Variants in ARFIP1 observed in about 807,000 individuals in gnomAD.
ARFIP1 encodes the protein ARF interacting protein 1.
ARFIP1 carries 24 observed loss-of-function variants against 42.5 expected under a neutral mutation model. The ratio of observed to expected loss-of-function variants is 0.57; its 90% CI spans 0.41 to 0.80. ARFIP1 has a LOEUF of 0.80. Ranked by LOEUF, ARFIP1 falls within the 30% of genes least tolerant of loss-of-function variation. The pLI, the probability that ARFIP1 is intolerant of heterozygous loss-of-function variation, is 0.00. For missense variants in ARFIP1, 354 were observed against 434.0 expected (o/e 0.82, Z 1.64); for synonymous variants, 141 against 153.7 (o/e 0.92, Z 0.61).
At chr4:152,860,370 A>T (rs1488632561) in intron 2 of ARFIP1, among the ~76,000 whole-genome samples, 2 of 152,180 alleles carry the variant, frequency 1.3e-5, no homozygotes, top group Non-Finnish European at 2.9e-5. Flanking sequence ...ATTGCTAGGT[A>T]TTATTTTTTT....
chr4:152,804,265 A>ATATAATATATAATATAACATGTATTACG (rs1728752703), intron 1 of ARFIP1, among the ~76,000 whole-genome samples: 1 of 90,196 alleles, frequency 1.1e-5, no homozygotes, highest in African/African-American at 5.2e-5. Flanking sequence ...CATGTATTAT[A>ATATAATATATAATATAACATGTATTACG]TATTATATAT....
At chr4:152,870,032 G>A (rs1316161365) in intron 3 of ARFIP1, among the ~76,000 whole-genome samples, 1 of 152,120 alleles carries the variant, frequency 6.6e-6, no homozygotes, top group African/African-American at 2.4e-5. Flanking sequence ...TTCTTATAAT[G>A]TCAAAAAATA....
At chr4:152,874,863 A>G (rs569570937) in intron 5 of ARFIP1, among the ~76,000 whole-genome samples, 2 of 151,914 alleles carry the variant, frequency 1.3e-5, no homozygotes, top group African/African-American at 2.4e-5. Context: ...GAGTCTCCCT[A>G]TGTTGCTCAG....
intron 1 of ARFIP1, among the ~76,000 whole-genome samples, chr4:152,795,270 T>C (rs1731372529): frequency 6.6e-6 from 1 of 152,166 alleles, no homozygotes; most frequent in African/African-American, 2.4e-5. Context: ...CATAGGGATT[T>C]TTTTGCTTTT....
intron 2 of ARFIP1, among the ~76,000 whole-genome samples, chr4:152,845,570 C>T (rs1732472523): frequency 6.6e-6 from 1 of 152,140 alleles, no homozygotes; most frequent in African/African-American, 2.4e-5. Context: ...CAAAAGAAGA[C>T]ATACAAGTAG....
intron 5 of ARFIP1, among the ~76,000 whole-genome samples, chr4:152,877,295 C>T (rs1735440691): frequency 6.6e-6 from 1 of 152,170 alleles, no homozygotes; most frequent in African/African-American, 2.4e-5. Context: ...GGGAACCCAC[C>T]TCCTGCATCA....
chr4:152,846,656 A>G (rs1351519262), intron 2 of ARFIP1, among the ~76,000 whole-genome samples: 1 of 152,160 alleles, frequency 6.6e-6, no homozygotes, highest in Non-Finnish European at 1.5e-5. Flanking sequence ...AAAATTTTAT[A>G]GAGAAAATAA....
chr4:152,835,764 A>T (rs1731598366), intron 2 of ARFIP1, among the ~76,000 whole-genome samples: 1 of 152,230 alleles, frequency 6.6e-6, no homozygotes, highest in Non-Finnish European at 1.5e-5. Flanking sequence ...TGGGTAATTT[A>T]TAAAAAAAAG....
At chr4:152,885,985 A>G (rs908264764) in intron 7 of ARFIP1, among the ~76,000 whole-genome samples, 6 of 152,010 alleles carry the variant, frequency 3.9e-5, no homozygotes, top group Non-Finnish European at 7.4e-5. Context: ...AAGAGATGAA[A>G]TAACCAGCTC....
intron 5 of ARFIP1, among the ~76,000 whole-genome samples, chr4:152,879,793 G>A (rs1578995707): frequency 1.3e-5 from 2 of 152,298 alleles, no homozygotes; most frequent in Middle Eastern, 6.8e-3. Context: ...AGATTGTGGT[G>A]AGCTGAGGCT....
intron 2 of ARFIP1, among the ~76,000 whole-genome samples, chr4:152,837,913 T>G (rs1458365516): frequency 2.6e-5 from 4 of 152,242 alleles, no homozygotes; most frequent in Admixed American, 6.5e-5. Context: ...GTTTCAGGTC[T>G]TAGGTTTAAG....
At chr4:152,909,408 AAAAC>A (rs1473909712) in intron 8 of ARFIP1, among the ~76,000 whole-genome samples, 1 of 152,152 alleles carries the variant, frequency 6.6e-6, no homozygotes, top group African/African-American at 2.4e-5. Flanking sequence ...AAACAAAAGA[AAAAC>A]AACCTCAGGA....
At chr4:152,889,454 C>G (rs1736536453) in intron 8 of ARFIP1, among the ~76,000 whole-genome samples, 1 of 136,478 alleles carries the variant, frequency 7.3e-6, no homozygotes, top group African/African-American at 2.8e-5. Context: ...GTGCAGCCTT[C>G]TGGTATTCAT....
At chr4:152,819,274 G>A (rs1252733052) in intron 1 of ARFIP1, among the ~76,000 whole-genome samples, 1 of 152,184 alleles carries the variant, frequency 6.6e-6, no homozygotes, top group Non-Finnish European at 1.5e-5. Context: ...ACTGTGGCAT[G>A]ACCTCAACTA....
chr4:152,833,840 A>G (rs1192835483), intron 2 of ARFIP1, among the ~76,000 whole-genome samples: 1 of 152,216 alleles, frequency 6.6e-6, no homozygotes, highest in Non-Finnish European at 1.5e-5. Flanking sequence ...AATTCATAGA[A>G]ACAGATAGTA....
At chr4:152,834,786 C>T (rs550741935) in intron 2 of ARFIP1, among the ~76,000 whole-genome samples, 10 of 152,342 alleles carry the variant, frequency 6.6e-5, no homozygotes, top group African/African-American at 2.4e-4. Flanking sequence ...TCCCTTCCCA[C>T]AGCTCTCCTA....
At chr4:152,896,087 A>C (rs558528164) in intron 8 of ARFIP1, among the ~76,000 whole-genome samples, 10 of 151,974 alleles carry the variant, frequency 6.6e-5, no homozygotes, top group Non-Finnish European at 1.3e-4. Flanking sequence ...GGTATCATGG[A>C]AGGCTTCCCT....
intron 8 of ARFIP1, among the ~76,000 whole-genome samples, chr4:152,889,666 T>C (rs1176439294): frequency 7.7e-6 from 1 of 130,336 alleles, no homozygotes; most frequent in Non-Finnish European, 1.6e-5. Context: ...ATATATACAC[T>C]AATATATACT....
chr4:152,790,497 C>A (rs928037523), intron 1 of ARFIP1, among the ~76,000 whole-genome samples: 2 of 152,134 alleles, frequency 1.3e-5, no homozygotes, highest in Admixed American at 1.3e-4. Context: ...AGAGTCTTAT[C>A]ATTTTACTTC....
Sources: gnomAD v4.1 joint callset for allele counts (sites outside exome capture counted in the v4.1 genomes callset) on GRCh38, gnomAD v4.1.1 for gene constraint, MANE v1.5 for transcripts, NCBI Gene and HGNC (gene_info 2026-07-23, HGNC 2026-07-21) for gene names.